ZNF266: variants seen among roughly 807,000 people sequenced by gnomAD.
ZNF266 encodes zinc finger protein 1.
In ZNF266, 16 loss-of-function variants were observed where a neutral mutation model predicts 16.4. That is an observed-to-expected ratio of 0.98 (90% confidence interval 0.66 to 1.48). The LOEUF is 1.48. Among genes scored for constraint, ZNF266 ranks in the 40% most tolerant of loss-of-function variants. The pLI, the probability that ZNF266 is intolerant of heterozygous loss-of-function variation, is 0.00. For missense variants in ZNF266, 738 were observed against 689.1 expected, an observed-to-expected ratio of 1.07 and a Z score of -0.79; for synonymous variants, 262 against 237.9, an observed-to-expected ratio of 1.10 and a Z score of -0.93.
rs752953952 is a variant in ZNF266 at position 9,413,342 on chromosome 19, G to A, written c.1784C>T (p.Ala595Val). 1.9e-6 allele frequency: 3 copies of A among 1,612,348 alleles called. No individual in the cohort carries two copies. In the East Asian group the frequency reaches 6.7e-5, roughly 36 times the overall value. ...TCGAAAGGAACTGGAAGAACTGAAG[G>A]CTTTCCCGCACTCCTTACATTCATA... ...KPYECKECGK[A>V]FSSSSSFRNH... The change falls in exon 11 of 11, where the codon GCC (alanine) becomes GTC (valine). Residue 595 changes from alanine (A) to valine (V), a missense_variant. Transcript: ENST00000592904.
rs762437097 is a variant in ZNF266, at chr19:9,418,476, T to C, written c.235+29A>G. 6 of 1,612,638 alleles carry C rather than the reference T, an allele frequency of 3.7e-6. No homozygotes were observed. In the Admixed American group the frequency reaches 5.0e-5, roughly 13 times the overall value. Reference sequence around the variant, plus strand: ...GTACATAACATAATCTGTTCCATAGTAGGCTACAAGGGATGAGGCCAGTCT... The same window carrying C: ...GTACATAACATAATCTGTTCCATAGCAGGCTACAAGGGATGAGGCCAGTCT... On this transcript the variant is annotated intron_variant, in intron 8 of 10. Transcript: ENST00000592904.
intron 5 of ZNF266, among the ~76,000 whole-genome samples, chr19:9,429,165 T>G (rs2071215791): frequency 1.3e-5 from 2 of 152,156 alleles, no homozygotes; most frequent in Non-Finnish European, 2.9e-5. Flanking sequence ...ATAACTACTT[T>G]TCAAATTCCA....
At chr19:9,414,751 G>C (rs201195117) in intron 10 of ZNF266, 31 bp from the exon 11 acceptor site, 76 of 1,519,650 alleles carry the variant, frequency 5.0e-5, no homozygotes, top group Non-Finnish European at 6.4e-5. Context: ...GATGATTAAA[G>C]GACGGTTCAG....
At chr19:9,416,663 C>A (rs1226913007) in intron 9 of ZNF266, among the ~76,000 whole-genome samples, 1 of 56,974 alleles carries the variant, frequency 1.8e-5, no homozygotes, top group Non-Finnish European at 3.1e-5. Context: ...CGTGCCAGGC[C>A]TTTTTTTTTT....
chr19:9,422,453 A>G (rs1427323944), intron 5 of ZNF266, among the ~76,000 whole-genome samples: 2 of 152,158 alleles, frequency 1.3e-5, no homozygotes, highest in African/African-American at 2.4e-5. Context: ...TGAACTACTC[A>G]AAGAATGCAA....
chr19:9,420,350 T>C (rs2123034155), intron 5 of ZNF266, 132 bp from the exon 6 acceptor site: 1 of 152,346 alleles, frequency 6.6e-6, no homozygotes, highest in South Asian at 2.1e-4. Context: ...GAAGACCAAC[T>C]TCCACTACTG....
intron 5 of ZNF266, among the ~76,000 whole-genome samples, chr19:9,427,970 A>G (rs1249416187): frequency 1.8e-5 from 2 of 110,292 alleles, no homozygotes; most frequent in African/African-American, 3.5e-5. Flanking sequence ...CTCGAAGAAA[A>G]AAAAAAGAAA....
intron 5 of ZNF266, among the ~76,000 whole-genome samples, chr19:9,428,716 G>GGA (rs776078541): frequency 1.5e-5 from 2 of 132,874 alleles, no homozygotes; most frequent in Admixed American, 7.8e-5. Flanking sequence ...TCCAGGGTGG[G>GGA]AAAAAAAAAA....
At chr19:9,424,205 C>A in intron 5 of ZNF266, among the ~76,000 whole-genome samples, 1 of 139,820 alleles carries the variant, frequency 7.2e-6, no homozygotes, top group Admixed American at 7.5e-5. Flanking sequence ...CTTCATATAC[C>A]ACTAAACCAA....
rs776046242 is a variant in ZNF266, at chr19:9,413,906, C to T, written c.1220G>A (p.Ser407Asn). The T allele has an allele frequency of 1.2e-5, 19 of 1,613,642 alleles. No individual in the cohort carries two copies. Among genetic ancestry groups the T allele is most frequent in the Non-Finnish European group, 1.5e-5 (18 of 1,179,938 alleles). ...GKSFRNSSCL[S>N]DHFRIHTGIK... ...TCCAGTGTGAATTCGAAAGTGATCACTGAGGCATGAGGAATTTCTAAAGGA... is the reference window on the plus strand; with the variant it reads ...TCCAGTGTGAATTCGAAAGTGATCATTGAGGCATGAGGAATTTCTAAAGGA... The change falls in exon 11 of 11, where the codon AGT becomes AAT. Residue 407 changes from serine to asparagine, a missense_variant. By Grantham distance (46) the Ser-to-Asn change is conservative. Transcript: ENST00000592904.
Position 9,413,914 on chromosome 19 carries a change from T to A in ZNF266, c.1212A>T (p.Ser404=). ...GAATTCGAAAGTGATCACTGAGGCA[T>A]GAGGAATTTCTAAAGGATTTTCCAC... ...KICGKSFRNS[S]CLSDHFRIHT... Residue 404 remains serine (S), a synonymous_variant, in exon 11 of 11, where the codon TCA becomes TCT. Transcript: ENST00000592904. 1 of 1,614,176 alleles carries A rather than the reference T, an allele frequency of 6.2e-7. No individual in the cohort carries two copies. Among genetic ancestry groups the A allele is most frequent in the Non-Finnish European group, 8.5e-7 (1 of 1,180,030 alleles).
intron 8 of ZNF266, among the ~76,000 whole-genome samples, chr19:9,418,228 G>A (rs1311857793): frequency 1.3e-5 from 2 of 152,154 alleles, no homozygotes; most frequent in African/African-American, 4.8e-5. Flanking sequence ...AGATTCATGA[G>A]AGCTTGTTAA....
chr19:9,415,170 C>CGA (rs1444195135), intron 10 of ZNF266, among the ~76,000 whole-genome samples: 2 of 152,200 alleles, frequency 1.3e-5, no homozygotes, highest in Non-Finnish European at 2.9e-5. Context: ...TGGCACGTGC[C>CGA]TGTACTCCCA....
intron 5 of ZNF266, among the ~76,000 whole-genome samples, chr19:9,431,161 G>A (rs2071527115): frequency 6.6e-6 from 1 of 152,134 alleles, no homozygotes; most frequent in Non-Finnish European, 1.5e-5. Flanking sequence ...ACTGCAAAAG[G>A]GAGCGTTGCC....
chr19:9,432,264 T>G (rs2071724081), intron 5 of ZNF266, among the ~76,000 whole-genome samples: 1 of 152,260 alleles, frequency 6.6e-6, no homozygotes, highest in Admixed American at 6.5e-5. Context: ...TGGCTTACTT[T>G]TATCTTGATA....
At chr19:9,420,458 T>TA (rs2069687852) in intron 5 of ZNF266, 1 of 151,930 alleles carries the variant, frequency 6.6e-6, no homozygotes, top group African/African-American at 2.4e-5. Context: ...CCCTATTTGA[T>TA]AAAGAAAAAA....
rs1011637195 is a variant in ZNF266, at chr19:9,413,181, T to A, written c.*94A>T. The A allele has an allele frequency of 6.8e-7, 1 of 1,459,992 alleles. No individual in the cohort carries two copies. The highest frequency in any genetic ancestry group is 9.2e-7 in the Non-Finnish European group (1 of 1,087,850). The allele number at this position is 1,459,992 out of a possible 1,614,324, so 90.4% of individuals were successfully genotyped here. The stretch of plus-strand genomic sequence containing the variant: ...GTTCATTAAGACCTGAGATACAAAG[T>A]TGCTTCCACATTTTTACATTCATAG... On this transcript the variant is annotated 3_prime_UTR_variant, in exon 11 of 11. Coordinates refer to ENST00000592904, the MANE Select transcript of ZNF266 (RefSeq NM_001370374.1).
intron 5 of ZNF266, among the ~76,000 whole-genome samples, chr19:9,427,623 G>A (rs888358635): frequency 5.3e-5 from 8 of 152,144 alleles, no homozygotes; most frequent in Admixed American, 3.3e-4. Context: ...CACCACACCC[G>A]GCCTGGACAA....
At chr19:9,415,766 G>T (rs1260300634) in intron 9 of ZNF266, 24 bp from the exon 10 acceptor site, 1 of 1,592,450 alleles carries the variant, frequency 6.3e-7, no homozygotes, top group Non-Finnish European at 8.6e-7. Context: ...GAAATGTAAG[G>T]GTTTGGAGAC....
Sources: allele counts gnomAD v4.1 joint callset (sites outside exome capture counted in the v4.1 genomes callset), GRCh38; gene constraint gnomAD v4.1.1; transcripts MANE v1.5; gene names NCBI Gene and HGNC (gene_info 2026-07-23, HGNC 2026-07-21).